The following CELSR3 variants were observed in gnomAD, a reference collection of about 807,000 sequenced individuals.
The protein encoded by CELSR3 is EGF-like protein 1.
In CELSR3, 73 loss-of-function variants were observed where a neutral mutation model predicts 270.0. The ratio of observed to expected loss-of-function variants is 0.27; its 90% CI spans 0.22 to 0.33. The LOEUF (loss-of-function observed/expected upper bound fraction) is 0.33, where lower values mean the gene tolerates loss of function less well. Ranked by LOEUF, CELSR3 falls within the 10% of genes least tolerant of loss-of-function variation. The pLI, the probability that CELSR3 is intolerant of heterozygous loss-of-function variation, is 1.00. For missense variants in CELSR3, 3,614 were observed against 4,533.8 expected (o/e 0.80, Z 5.83); for synonymous variants, 1,780 against 1,905.4 (o/e 0.93, Z 1.71).
At position 48,653,904 on chromosome 3, in the gene CELSR3, C is replaced by G; in HGVS notation, c.5252G>C (p.Gly1751Ala). Residue 1751 changes from glycine to alanine, a missense_variant, in exon 8 of 35, where the codon GGC becomes GCC. Gly to Ala is a moderately conservative substitution (Grantham distance 60, BLOSUM62 0). Coordinates refer to ENST00000164024, the MANE Select transcript of CELSR3 (RefSeq NM_001407.3). This position sits in a 1 kb window ranked among gnomAD's most constrained non-coding sequence, Gnocchi z 6.5. Reference sequence around the variant, plus strand: ...AAGCTGACAGTCTTTGCCGCCGAAGCCCACAGGGCAGTCGCAGCTGAAGCT... The same window carrying G: ...AAGCTGACAGTCTTTGCCGCCGAAGGCCACAGGGCAGTCGCAGCTGAAGCT... ...WGSFSCDCPV[G>A]FGGKDCQLTM... is the part of the protein sequence containing the mutation. 1 of 1,613,706 alleles carries G rather than the reference C, an allele frequency of 6.2e-7. No homozygotes were observed. The highest frequency in any genetic ancestry group is 8.5e-7 in the Non-Finnish European group (1 of 1,179,874).
chr3:48,640,785 G>T lies in CELSR3; in HGVS notation c.9026-226C>A, dbSNP rs1293465865. On this transcript the variant is annotated intron_variant, in intron 33 of 34. Coordinates refer to ENST00000164024, the MANE Select transcript of CELSR3 (RefSeq NM_001407.3). The surrounding 1 kb of genome is among the most constrained non-coding windows in gnomAD (Gnocchi z 7.5). Reference sequence around the variant, plus strand: ...CTTCCAGTTGTGGTCCCGGGGCAGGGGGAGGGCGGGCAGGTCTCATGGTGC... The same window carrying T: ...CTTCCAGTTGTGGTCCCGGGGCAGGTGGAGGGCGGGCAGGTCTCATGGTGC... 2.1e-5 allele frequency: 12 copies of T among 576,606 alleles called. No individual in the cohort carries two copies. Among genetic ancestry groups the T allele is most frequent in the Non-Finnish European group, 3.4e-5 (11 of 327,732 alleles). 35.7% of individuals were successfully genotyped at this position (576,606 alleles called of 1,614,324 possible).
intron 16 of CELSR3, 131 bp from the exon 17 acceptor site, chr3:48,649,346 C>G (rs1218097184): frequency 3.9e-6 from 3 of 770,404 alleles, no homozygotes; most frequent in Non-Finnish European, 6.3e-6. Flanking sequence ...TATAGCTGCA[C>G]CCCTGGAGGT....
In CELSR3 at chr3:48,658,088, C is replaced by T. The variant is rs572956962; in HGVS notation, c.3749-740G>A. 1.3e-5 allele frequency among the ~76,000 whole-genome samples: 2 copies of T among 152,310 alleles called. No homozygotes were observed. Among genetic ancestry groups the T allele is most frequent in the East Asian group, 3.9e-4 (2 of 5,190 alleles). On this transcript the variant is annotated intron_variant, in intron 1 of 34. Transcript: ENST00000164024. The surrounding 1 kb of genome is among the most constrained non-coding windows in gnomAD (Gnocchi z 4.7). ...GAGATGAAGGTGAGGTGCTTAGCTGCCTTGTTCGTCTTGTCCCCACACCCT... is the reference window on the plus strand; with the variant it reads ...GAGATGAAGGTGAGGTGCTTAGCTGTCTTGTTCGTCTTGTCCCCACACCCT...
chr3:48,647,782 A>G (rs2047099779), intron 20 of CELSR3, 59 bp downstream of exon 20: 2 of 1,558,316 alleles, frequency 1.3e-6, no homozygotes, highest in South Asian at 1.1e-5. Flanking sequence ...GCAACATAGT[A>G]TCTGGTTGGG....
chr3:48,648,188 A>G (rs1441784824), intron 19 of CELSR3, 78 bp downstream of exon 19: 1 of 1,506,956 alleles, frequency 6.6e-7, no homozygotes, highest in East Asian at 2.3e-5. Context: ...ATTGATAGCC[A>G]CAGCCCCTCA....
At position 48,651,034 on chromosome 3, in the gene CELSR3, T is replaced by C. The variant is rs1221230893; in HGVS notation, c.6228A>G (p.Pro2076=). 6.3e-7 allele frequency: 1 copy of C among 1,592,514 alleles called. No individual in the cohort carries two copies. Among genetic ancestry groups the C allele is most frequent in the South Asian group, 1.1e-5 (1 of 88,332 alleles). Residue 2076 remains proline (P), a synonymous_variant, in exon 15 of 35, where the codon CCA becomes CCG. Coordinates refer to ENST00000164024, the MANE Select transcript of CELSR3 (RefSeq NM_001407.3). This position sits in a 1 kb window ranked among gnomAD's most constrained non-coding sequence, Gnocchi z 7.4. ...TGGAGCCCACAGGGTAGCAGTCACA[T>C]GGGAGGCAAGAGTCACTGCCCCGCG... ...YRPRGSDSCL[P]CDCYPVGSTS...
At position 48,644,860 on chromosome 3, in the gene CELSR3, T is replaced by G; in HGVS notation, c.7973-32A>C. Reference sequence around the variant, plus strand: ...AAGAGAAAGGGTAGGACTGAGGGTGTGTGTTCCAGAGCTGCTGACCAGCCC... The same window carrying G: ...AAGAGAAAGGGTAGGACTGAGGGTGGGTGTTCCAGAGCTGCTGACCAGCCC... On this transcript the variant is annotated intron_variant, in intron 25 of 34. Coordinates refer to ENST00000164024, the MANE Select transcript of CELSR3 (RefSeq NM_001407.3). This position sits in a 1 kb window ranked among gnomAD's most constrained non-coding sequence, Gnocchi z 4.8. 1 of 1,592,978 alleles carries G rather than the reference T, an allele frequency of 6.3e-7. No homozygotes were observed. Among genetic ancestry groups the G allele is most frequent in the Non-Finnish European group, 8.6e-7 (1 of 1,163,736 alleles).
chr3:48,659,143 G>A lies in CELSR3; in HGVS notation c.3492C>T (p.Asp1164=). The change falls in exon 1 of 35, where the codon GAC becomes GAT. Residue 1164 remains aspartate, a synonymous_variant. Transcript: ENST00000164024. This position sits in a 1 kb window ranked among gnomAD's most constrained non-coding sequence, Gnocchi z 8.1. The part of the protein sequence containing the change: ...TVHVRLVDQN[D]NSPVLNNFQI... ...GGAAGTTGTTGAGCACAGGGCTGTT[G>A]TCATTCTGGTCAACCAGGCGGACGT... 6.2e-7 allele frequency: 1 copy of A among 1,614,224 alleles called. No homozygotes were observed. The highest frequency in any genetic ancestry group is 8.5e-7 in the Non-Finnish European group (1 of 1,180,040).
chr3:48,649,306 C>T (rs2047115902), intron 16 of CELSR3, 91 bp from the exon 17 acceptor site: 1 of 1,069,294 alleles, frequency 9.4e-7, no homozygotes, highest in African/African-American at 1.6e-5. Flanking sequence ...TGGGGGAATC[C>T]CTGAGGCAGA....
Position 48,662,834 on chromosome 3 carries a change from T to C in CELSR3, c.-200A>G, listed in dbSNP as rs920502718. On this transcript the variant is annotated 5_prime_UTR_variant, in exon 1 of 35. Coordinates refer to ENST00000164024, the MANE Select transcript of CELSR3 (RefSeq NM_001407.3). This position sits in a 1 kb window ranked among gnomAD's most constrained non-coding sequence, Gnocchi z 7.1. ...CCTCCGGCGTGCGGCCCTGGCTTTT[T>C]CCGCCCCCACCACAGCATCCCCGAC... The C allele has an allele frequency of 7.0e-5, 22 of 313,606 alleles. 1 individual carries two copies. In the South Asian group the frequency reaches 1.3e-3, roughly 19 times the overall value. 19.4% of individuals were successfully genotyped at this position (313,606 alleles called of 1,614,324 possible).
In CELSR3 at chr3:48,655,621, C is replaced by T. The variant is rs1052542671; in HGVS notation, c.4741+115G>A. On this transcript the variant is annotated intron_variant, in intron 4 of 34. Coordinates refer to ENST00000164024, the MANE Select transcript of CELSR3 (RefSeq NM_001407.3). This position sits in a 1 kb window ranked among gnomAD's most constrained non-coding sequence, Gnocchi z 5.8. ...TGGCCAAGGAGCTAGGTCTTCAGGG[C>T]TTGCATGGCGTGGAGTGTGTGCTCA... The T allele has an allele frequency of 9.1e-6, 9 of 986,750 alleles. No individual in the cohort carries two copies. The Admixed American group carries it at 1.6e-4, about 18-fold the overall frequency. The allele number at this position is 986,750 out of a possible 1,614,324, so 61.1% of individuals were successfully genotyped here. A position where few individuals can be genotyped will look rare whatever the true frequency, so the allele number is the denominator to read the frequency against.
Position 48,662,227 on chromosome 3 carries a change from G to A in CELSR3, c.408C>T (p.Arg136=). ...GQGPGSVLYW[R]PEVSSCGRTG... is the part of the protein sequence containing the mutation. Reference sequence around the variant, plus strand: ...TCCGCCCGCAAGAGGAGACCTCTGGGCGCCAGTATAACACAGACCCTGGTC... The same window carrying A: ...TCCGCCCGCAAGAGGAGACCTCTGGACGCCAGTATAACACAGACCCTGGTC... The change falls in exon 1 of 35, where the codon CGC becomes CGT. Residue 136 remains arginine (R), a synonymous_variant. Transcript: ENST00000164024. The surrounding 1 kb of genome is among the most constrained non-coding windows in gnomAD (Gnocchi z 7.1). 1.9e-6 allele frequency: 3 copies of A among 1,613,216 alleles called. No individual in the cohort carries two copies. Among genetic ancestry groups the A allele is most frequent in the East Asian group, 2.2e-5 (1 of 44,876 alleles).
rs778189217 is a variant in CELSR3, at chr3:48,662,410, C to A, written c.225G>T (p.Gly75=). 2 of 1,612,602 alleles carry A rather than the reference C, an allele frequency of 1.2e-6. No individual in the cohort carries two copies. Among genetic ancestry groups the A allele is most frequent in the South Asian group, 1.1e-5 (1 of 91,060 alleles). Residue 75 remains glycine (G), a synonymous_variant, in exon 1 of 35, where the codon GGG becomes GGT. Coordinates refer to ENST00000164024, the MANE Select transcript of CELSR3 (RefSeq NM_001407.3). The surrounding 1 kb of genome is among the most constrained non-coding windows in gnomAD (Gnocchi z 7.1). ...TAGGCTCCCTGACCCCCAGGCCAGG[C>A]CCCCCATCCTCCCGGACCCCGGAAG... The part of the protein sequence containing the change: ...PESSGVREDG[G]PGLGVREPIF...
intron 16 of CELSR3, 94 bp from the exon 17 acceptor site, chr3:48,649,309 G>A: frequency 9.6e-7 from 1 of 1,046,264 alleles, no homozygotes; most frequent in East Asian, 2.6e-5. Flanking sequence ...GGGAATCCCT[G>A]AGGCAGAAGT....
rs1162984439 is a variant in CELSR3, at chr3:48,643,879, G to A, written c.8166-202C>T. On this transcript the variant is annotated intron_variant, in intron 27 of 34. Transcript: ENST00000164024. ...AGGAGAGCAGTCAAAGAGCCATGAG[G>A]ACACGTGGGGAAAACACAGGGGTAT... 4 of 630,720 alleles carry A rather than the reference G, an allele frequency of 6.3e-6. No homozygotes were observed. In the East Asian group the frequency reaches 8.4e-5, roughly 13 times the overall value. The allele number at this position is 630,720 out of a possible 1,614,324, so 39.1% of individuals were successfully genotyped here.
Position 48,656,250 on chromosome 3 carries a change from G to C in CELSR3, c.4515C>G (p.Gly1505=), listed in dbSNP as rs1242746705. ...CGCAGCGCGGGCCCTCGAAGGCGCC[G>C]CCTGCCGGGCACTGGCAGCGAAAGC... ...NGGFRCQCPA[G]GAFEGPRCEV... is the part of the protein sequence containing the mutation. Residue 1505 remains glycine (G), a synonymous_variant, in exon 3 of 35, where the codon GGC becomes GGG. Coordinates refer to ENST00000164024, the MANE Select transcript of CELSR3 (RefSeq NM_001407.3). The C allele has an allele frequency of 1.3e-6, 2 of 1,533,842 alleles. No homozygotes were observed. Among genetic ancestry groups the C allele is most frequent in the South Asian group, 2.4e-5 (2 of 83,968 alleles).
rs748768312 is a variant in CELSR3 at position 48,642,976 on chromosome 3, T to A, written c.8397A>T (p.Ala2799=). The A allele has an allele frequency of 1.2e-6, 2 of 1,611,802 alleles. No homozygotes were observed. The highest frequency in any genetic ancestry group is 1.7e-6 in the Non-Finnish European group (2 of 1,179,084). Reference sequence around the variant, plus strand: ...CCCCATCCCGACTCACCAGCCCAGGTGCTGGCCTTGCCTCCTCAGGCGCTG... The same window carrying A: ...CCCCATCCCGACTCACCAGCCCAGGAGCTGGCCTTGCCTCCTCAGGCGCTG... ...RKAAPEEARP[A]PGLGPGAYNN... is the part of the protein sequence containing the mutation. The change falls in exon 29 of 35, where the codon GCA becomes GCT. Residue 2799 remains alanine, a synonymous_variant. Coordinates refer to ENST00000164024, the MANE Select transcript of CELSR3 (RefSeq NM_001407.3). The surrounding 1 kb of genome is among the most constrained non-coding windows in gnomAD (Gnocchi z 6.1).
In CELSR3 at chr3:48,639,204, G is replaced by A. The variant is rs2047000305; in HGVS notation, c.9911+470C>T. ...ATGTTGACTGAATACATCGATGAAT[G>A]AATGATTTATCCTCAACAAAGCAAG... On this transcript the variant is annotated intron_variant, in intron 34 of 34. Transcript: ENST00000164024. The surrounding 1 kb of genome is among the most constrained non-coding windows in gnomAD (Gnocchi z 4.1). Among the ~76,000 whole-genome samples, 1 of 152,168 alleles carries A rather than the reference G, an allele frequency of 6.6e-6. No homozygotes were observed. The highest frequency in any genetic ancestry group is 2.4e-5 in the African/African-American group (1 of 41,416).
rs1467041581 is a variant in CELSR3 at position 48,651,241 on chromosome 3, T to C, written c.6186+118A>G. ...GGGTAAAGGATGAGAGACAGCAACT[T>C]GGTCACAGGACACAGGCAAGAGGTT... On this transcript the variant is annotated intron_variant, in intron 14 of 34. Transcript: ENST00000164024. The surrounding 1 kb of genome is among the most constrained non-coding windows in gnomAD (Gnocchi z 7.4). The C allele has an allele frequency of 2.6e-6, 4 of 1,522,954 alleles. No individual in the cohort carries two copies. The highest frequency in any genetic ancestry group is 3.6e-6 in the Non-Finnish European group (4 of 1,116,220). 94.3% of individuals were successfully genotyped at this position (1,522,954 alleles called of 1,614,324 possible). A position where few individuals can be genotyped will look rare whatever the true frequency, so the allele number is the denominator to read the frequency against.
Sources: gnomAD v4.1 joint callset for allele counts (sites outside exome capture counted in the v4.1 genomes callset) on GRCh38, gnomAD v4.1.1 for gene constraint, Gnocchi (gnomAD v3.1) non-coding constraint, MANE v1.5 for transcripts, NCBI Gene and HGNC (gene_info 2026-07-23, HGNC 2026-07-21) for gene names.